SLC7A9: variants seen among roughly 807,000 people sequenced by gnomAD.
SLC7A9 encodes the protein B(0,+)-type amino acid transporter 1.
In SLC7A9, 38 loss-of-function variants were observed where a neutral mutation model predicts 54.1. The ratio of observed to expected loss-of-function variants is 0.70; its 90% CI spans 0.54 to 0.92. The LOEUF (loss-of-function observed/expected upper bound fraction) is 0.92, where lower values mean the gene tolerates loss of function less well. SLC7A9 is among the 40% of genes least tolerant of loss of function. The pLI is 0.00. For missense variants in SLC7A9, 537 were observed against 636.1 expected, an observed-to-expected ratio of 0.84 and a Z score of 1.68; for synonymous variants, 264 against 258.9, an observed-to-expected ratio of 1.02 and a Z score of -0.19.
Position 32,862,182 on chromosome 19 carries a change from C to T in SLC7A9, c.640G>A (p.Ala214Thr), listed in dbSNP as rs753115478. The T allele has an allele frequency of 1.2e-4, 188 of 1,613,706 alleles. 1 individual carries two copies. In the Admixed American group the frequency reaches 2.9e-3, roughly 25 times the overall value. ...TKNFDNSFEGAQLSVGAISLA... is the reference protein window; with the variant it reads ...TKNFDNSFEGTQLSVGAISLA... Reference sequence around the variant, plus strand: ...CTGATGGCTCCCACAGACAGCTGGGCGCCCTCGAAAGAATTATCAAAATTC... The same window carrying T: ...CTGATGGCTCCCACAGACAGCTGGGTGCCCTCGAAAGAATTATCAAAATTC... The change falls in exon 6 of 13, where the codon GCC becomes ACC. Residue 214 changes from alanine to threonine, a missense_variant. Physicochemically the swap from Ala to Thr is moderately conservative, Grantham distance 58. Coordinates refer to ENST00000023064, the MANE Select transcript of SLC7A9 (RefSeq NM_014270.5).
chr19:32,842,451 G>GT, intron 10 of SLC7A9, 134 bp from the exon 11 acceptor site: 2 of 845,598 alleles, frequency 2.4e-6, no homozygotes, highest in Non-Finnish European at 3.9e-6. Context: ...TTCCTTCATA[G>GT]TTGGGGTTAA....
intron 3 of SLC7A9, 127 bp from the exon 4 acceptor site, chr19:32,864,465 GC>G: frequency 2.0e-6 from 3 of 1,509,272 alleles, no homozygotes; most frequent in Non-Finnish European, 2.7e-6. Context: ...TCGCTGGACG[GC>G]CCTGAGCTCC....
At chr19:32,833,351 C>T in intron 11 of SLC7A9, 28 bp from the exon 12 acceptor site, 3 of 1,612,378 alleles carry the variant, frequency 1.9e-6, no homozygotes, top group East Asian at 2.2e-5. Flanking sequence ...GTCATGGGTA[C>T]CCATTTTCTT....
chr19:32,866,162 AG>A (rs1968965456), intron 2 of SLC7A9, among the ~76,000 whole-genome samples: 1 of 152,086 alleles, frequency 6.6e-6, no homozygotes, highest in South Asian at 2.1e-4. Context: ...GCAGGGGATG[AG>A]GGGCTCCCAG....
At chr19:32,834,039 C>G (rs1319066988) in intron 11 of SLC7A9, among the ~76,000 whole-genome samples, 1 of 151,998 alleles carries the variant, frequency 6.6e-6, no homozygotes, top group African/African-American at 2.4e-5. Context: ...AAGTTGGGCC[C>G]CTGAGACCTC....
rs1389464582 is a variant in SLC7A9 at position 32,864,384 on chromosome 19, GC to G, written c.236-47del. The stretch of plus-strand genomic sequence containing the variant: ...GCCCACAGGCCCCTTGTGAGGCACT[GC>G]CCCGGCCCCAGGGAGCCTTCCTCCC... On this transcript the variant is annotated intron_variant, in intron 3 of 12. Coordinates refer to ENST00000023064, the MANE Select transcript of SLC7A9 (RefSeq NM_014270.5). The G allele has an allele frequency of 1.9e-6, 3 of 1,610,960 alleles. No individual in the cohort carries two copies. In the Admixed American group the frequency reaches 5.0e-5, roughly 27 times the overall value.
At chr19:32,844,837 G>A (rs1470488377) in intron 9 of SLC7A9, among the ~76,000 whole-genome samples, 5 of 95,064 alleles carry the variant, frequency 5.3e-5, no homozygotes, top group Admixed American at 3.3e-4. Flanking sequence ...CAGCCTGGAC[G>A]ACAGAGTGAG....
intron 11 of SLC7A9, among the ~76,000 whole-genome samples, chr19:32,833,877 G>C (rs1000105492): frequency 6.6e-6 from 1 of 152,048 alleles, no homozygotes; most frequent in Non-Finnish European, 1.5e-5. Context: ...GTTTCATCAG[G>C]GTTTGCAAAA....
chr19:32,857,535 G>T (rs1349368823), intron 9 of SLC7A9, among the ~76,000 whole-genome samples: 2 of 152,164 alleles, frequency 1.3e-5, no homozygotes, highest in Non-Finnish European at 1.5e-5. Flanking sequence ...AATGAAGTTG[G>T]AGGCCTAGCA....
rs1017924177 is a variant in SLC7A9, at chr19:32,868,437, G to A, written c.87+11C>T. 6 of 1,611,992 alleles carry A rather than the reference G, an allele frequency of 3.7e-6. No individual in the cohort carries two copies. The highest frequency in any genetic ancestry group is 5.1e-6 in the Non-Finnish European group (6 of 1,178,300). Reference sequence around the variant, plus strand: ...CCTGCAAAGGGCCTGCCCCACCAGAGACCGCCTTACCTCCTTTTGGAGACT... The same window carrying A: ...CCTGCAAAGGGCCTGCCCCACCAGAAACCGCCTTACCTCCTTTTGGAGACT... On this transcript the variant is annotated intron_variant, in intron 2 of 12. Coordinates refer to ENST00000023064, the MANE Select transcript of SLC7A9 (RefSeq NM_014270.5).
intron 12 of SLC7A9, among the ~76,000 whole-genome samples, chr19:32,831,684 T>C (rs1967800372): frequency 6.6e-6 from 1 of 152,246 alleles, no homozygotes; most frequent in South Asian, 2.1e-4. Context: ...CTAACATAGC[T>C]AAACTTTTAA....
At chr19:32,837,753 G>A (rs1968006843) in intron 11 of SLC7A9, among the ~76,000 whole-genome samples, 1 of 152,034 alleles carries the variant, frequency 6.6e-6, no homozygotes, top group African/African-American at 2.4e-5. Context: ...ACGCCTACAC[G>A]TGATTTTGAT....
intron 7 of SLC7A9, chr19:32,860,206 G>T: frequency 2.7e-6 from 4 of 1,461,850 alleles, no homozygotes; most frequent in Non-Finnish European, 3.6e-6. Flanking sequence ...TCCCTTAGGA[G>T]CCACTGCTCT....
At chr19:32,847,739 T>C (rs997595212) in intron 9 of SLC7A9, among the ~76,000 whole-genome samples, 1 of 152,054 alleles carries the variant, frequency 6.6e-6, no homozygotes, top group African/African-American at 2.4e-5. Flanking sequence ...AATTGTCAGA[T>C]TCACCAAAGT....
intron 9 of SLC7A9, among the ~76,000 whole-genome samples, chr19:32,854,804 T>G (rs1968570057): frequency 6.6e-6 from 1 of 152,012 alleles, no homozygotes; most frequent in Non-Finnish European, 1.5e-5. Context: ...GCCAGTTTGG[T>G]CTCGAACTCC....
chr19:32,851,580 A>C (rs1968467984), intron 9 of SLC7A9, among the ~76,000 whole-genome samples: 1 of 151,788 alleles, frequency 6.6e-6, no homozygotes, highest in African/African-American at 2.4e-5. Context: ...GTGGGACTGT[A>C]AACTAGTTCA....
At chr19:32,848,152 C>T (rs376570081) in intron 9 of SLC7A9, among the ~76,000 whole-genome samples, 18 of 152,232 alleles carry the variant, frequency 1.2e-4, no homozygotes, top group African/African-American at 4.1e-4. Flanking sequence ...AACCAGCTAA[C>T]ATCATAATGA....
At position 32,858,387 on chromosome 19, in the gene SLC7A9, T is replaced by C. The variant is rs115394826; in HGVS notation, c.977+53A>G. The C allele has an allele frequency of 9.1e-4, 1,129 of 1,247,064 alleles. 6 individuals carry two copies. In the African/African-American group the frequency reaches 0.014, roughly 16 times the overall value. 77.2% of individuals were successfully genotyped at this position (1,247,064 alleles called of 1,614,324 possible). A position where few individuals can be genotyped will look rare whatever the true frequency, so the allele number is the denominator to read the frequency against. On this transcript the variant is annotated intron_variant, in intron 9 of 12. Transcript: ENST00000023064. Reference sequence around the variant, plus strand: ...AGCTGTGTGTCTTCCTCGGGGGTGATATTGCTTTCGCCGCCCCTGTCCACC... The same window carrying C: ...AGCTGTGTGTCTTCCTCGGGGGTGACATTGCTTTCGCCGCCCCTGTCCACC...
Position 32,864,085 on chromosome 19 carries a change from C to A in SLC7A9, c.478+11G>T, listed in dbSNP as rs758702412. Reference sequence around the variant, plus strand: ...TCTTTTCTGACCCCTGCCCTGGGCTCAGGTACTCACAGATGGCGGCGGCGG... The same window carrying A: ...TCTTTTCTGACCCCTGCCCTGGGCTAAGGTACTCACAGATGGCGGCGGCGG... On this transcript the variant is annotated intron_variant, in intron 4 of 12. Coordinates refer to ENST00000023064, the MANE Select transcript of SLC7A9 (RefSeq NM_014270.5). 1.2e-6 allele frequency: 2 copies of A among 1,613,820 alleles called. No individual in the cohort carries two copies. The highest frequency in any genetic ancestry group is 2.7e-5 in the African/African-American group (2 of 74,934).
Sources: allele counts gnomAD v4.1 joint callset (sites outside exome capture counted in the v4.1 genomes callset), GRCh38; gene constraint gnomAD v4.1.1; transcripts MANE v1.5; gene names NCBI Gene and HGNC (gene_info 2026-07-23, HGNC 2026-07-21).